SSH2: variants seen among roughly 807,000 people sequenced by gnomAD.
SSH2 encodes the protein slingshot protein phosphatase 2, also known as protein phosphatase Slingshot homolog 2.
In SSH2, 37 loss-of-function variants were observed where a neutral mutation model predicts 135.2. That is an observed-to-expected ratio of 0.27 (90% CI 0.21 to 0.36). SSH2 has a LOEUF of 0.36. Among genes scored for constraint, SSH2 ranks in the 10% least tolerant of loss-of-function variants. SSH2 has a pLI of 1.00. For synonymous variants in SSH2, 628 were observed against 646.2 expected (o/e 0.97, Z 0.43); for missense variants, 1,408 against 1,765.3 (o/e 0.80, Z 3.63).
rs1451634464 is a variant in SSH2 at position 29,650,665 on chromosome 17, G to A, written c.1215C>T (p.Ile405=). ...GGACTATTACTCACTTTGCTTTAGA[G>A]ATGAATTTGTAAGTGTCATTCCAGT... is the stretch of plus-strand genomic sequence containing the variant. ...LAYWNDTYKF[I]SKAKKHGSKC... Residue 405 remains isoleucine, a synonymous_variant, in exon 13 of 16, where the codon ATC becomes ATT. Coordinates refer to ENST00000540801, the MANE Select transcript of SSH2 (RefSeq NM_001282129.2). 1 of 1,613,446 alleles carries A rather than the reference G, an allele frequency of 6.2e-7. No individual in the cohort carries two copies. Among genetic ancestry groups the A allele is most frequent in the Non-Finnish European group, 8.5e-7 (1 of 1,179,642 alleles).
rs1265081793 is a variant in SSH2, at chr17:29,801,022, C to A, written c.145-7085G>T. On this transcript the variant is annotated intron_variant, in intron 2 of 15. Coordinates refer to ENST00000540801, the MANE Select transcript of SSH2 (RefSeq NM_001282129.2). ...CTGGGATTACAGGTGTCTGCCACCA[C>A]CCCCTGTAATTTTTGTATTTTTAGT... 2.0e-5 allele frequency among the ~76,000 whole-genome samples: 3 copies of A among 151,816 alleles called. No homozygotes were observed. In the South Asian group the frequency reaches 6.2e-4, roughly 32 times the overall value.
intron 2 of SSH2, among the ~76,000 whole-genome samples, chr17:29,820,873 A>C (rs896480753): frequency 1.3e-5 from 2 of 151,884 alleles, no homozygotes; most frequent in African/African-American, 2.4e-5. Context: ...GCCCCTTGTC[A>C]CCTCTCTCTT....
intron 2 of SSH2, among the ~76,000 whole-genome samples, chr17:29,835,554 G>A (rs2042928723): frequency 6.6e-6 from 1 of 152,274 alleles, no homozygotes; most frequent in East Asian, 1.9e-4. Flanking sequence ...ACCAGGCCCT[G>A]CAAATTCAGT....
chr17:29,641,344 T>C (rs1011880729), intron 14 of SSH2, among the ~76,000 whole-genome samples: 1 of 152,350 alleles, frequency 6.6e-6, no homozygotes, highest in Non-Finnish European at 1.5e-5. Flanking sequence ...TTTTAAACTA[T>C]TAAATTTTAA....
chr17:29,628,103 A>G lies in SSH2; in HGVS notation c.*2738T>C, dbSNP rs2035551875. On this transcript the variant is annotated 3_prime_UTR_variant, in exon 16 of 16. Transcript: ENST00000540801. ...AAAGTCTGAAGAGAAGACAGTCTGG[A>G]AAGTCCTTGACAGTTCACTGCGCAC... 2 of 152,164 alleles carry G rather than the reference A, an allele frequency of 1.3e-5. No individual in the cohort carries two copies. The highest frequency in any genetic ancestry group is 2.4e-5 in the African/African-American group (1 of 41,428). 9.4% of individuals were successfully genotyped at this position (152,164 alleles called of 1,614,324 possible). A position where few individuals can be genotyped will look rare whatever the true frequency, so the allele number is the denominator to read the frequency against.
At chr17:29,890,671 T>G (rs1222703729) in intron 1 of SSH2, among the ~76,000 whole-genome samples, 1 of 152,172 alleles carries the variant, frequency 6.6e-6, no homozygotes, top group Non-Finnish European at 1.5e-5. Flanking sequence ...GGTTTCTTTC[T>G]GAGGTGATGA....
At chr17:29,878,163 C>T (rs1371202832) in intron 1 of SSH2, among the ~76,000 whole-genome samples, 1 of 152,144 alleles carries the variant, frequency 6.6e-6, no homozygotes, top group Admixed American at 6.5e-5. Flanking sequence ...CATGGTGGCT[C>T]ATGCCTGTAA....
intron 1 of SSH2, among the ~76,000 whole-genome samples, chr17:29,871,887 A>T (rs979310284): frequency 1.3e-5 from 2 of 152,228 alleles, no homozygotes; most frequent in African/African-American, 2.4e-5. Flanking sequence ...ATAAATATTT[A>T]TACAAAAATA....
At chr17:29,661,947 C>T (rs984844710) in intron 11 of SSH2, among the ~76,000 whole-genome samples, 1 of 152,120 alleles carries the variant, frequency 6.6e-6, no homozygotes, top group Non-Finnish European at 1.5e-5. Flanking sequence ...CTAGAGACCA[C>T]TTGGTATAAT....
At chr17:29,665,753 C>CA (rs2037244339) in intron 11 of SSH2, among the ~76,000 whole-genome samples, 1 of 152,214 alleles carries the variant, frequency 6.6e-6, no homozygotes, top group South Asian at 2.1e-4. Context: ...AAAACTCTAA[C>CA]ACTTGAGAGA....
chr17:29,888,751 T>G (rs1345286431), intron 1 of SSH2, among the ~76,000 whole-genome samples: 1 of 143,870 alleles, frequency 7.0e-6, no homozygotes, highest in East Asian at 2.0e-4. Flanking sequence ...CTGGGTAACA[T>G]GGCAAAATCA....
chr17:29,676,244 C>G (rs1045705857), intron 8 of SSH2: 1 of 152,302 alleles, frequency 6.6e-6, no homozygotes, highest in African/African-American at 2.4e-5. Flanking sequence ...ACCAGCCCAG[C>G]CAATATGGTG....
intron 3 of SSH2, among the ~76,000 whole-genome samples, chr17:29,745,509 T>C (rs889396051): frequency 6.6e-6 from 1 of 152,318 alleles, no homozygotes; most frequent in Middle Eastern, 3.4e-3. Context: ...AATTGTACTG[T>C]TCATCTGACA....
At chr17:29,737,096 C>T in intron 3 of SSH2, among the ~76,000 whole-genome samples, 1 of 49,348 alleles carries the variant, frequency 2.0e-5, no homozygotes, top group Non-Finnish European at 3.2e-5. Context: ...AAGACTCTGT[C>T]TCAAAAAAAA....
intron 1 of SSH2, among the ~76,000 whole-genome samples, chr17:29,866,359 T>C (rs981848357): frequency 2.6e-5 from 4 of 152,226 alleles, no homozygotes; most frequent in African/African-American, 9.6e-5. Context: ...GCAAAAGCAG[T>C]CATTCATATG....
intron 2 of SSH2, among the ~76,000 whole-genome samples, chr17:29,807,761 T>C (rs889932692): frequency 6.6e-6 from 1 of 151,570 alleles, no homozygotes; most frequent in African/African-American, 2.4e-5. Flanking sequence ...ACTTTGAACC[T>C]GATCCTATGA....
chr17:29,684,655 A>G lies in SSH2; in HGVS notation c.387T>C (p.Asn129=). The change falls in exon 6 of 16, where the codon AAT becomes AAC. Residue 129 remains asparagine, a synonymous_variant. Transcript: ENST00000540801. ...AAACCACTACCATATAGCGTGTTCG[A>G]TTCTGGTAAGTACTTTCCAGTCTTA... ...LAVRLESTYQ[N]RTRYMVVVST... The G allele has an allele frequency of 6.2e-7, 1 of 1,613,260 alleles. No individual in the cohort carries two copies. The highest frequency in any genetic ancestry group is 8.5e-7 in the Non-Finnish European group (1 of 1,179,470).
chr17:29,684,740 C>T, intron 5 of SSH2, 56 bp from the exon 6 acceptor site: 1 of 1,539,270 alleles, frequency 6.5e-7, no homozygotes, highest in Non-Finnish European at 8.9e-7. Flanking sequence ...AATTTCAGAT[C>T]ATTTCAACCC....
intron 1 of SSH2, among the ~76,000 whole-genome samples, chr17:29,907,512 G>A (rs2066677562): frequency 6.6e-6 from 1 of 152,044 alleles, no homozygotes; most frequent in Non-Finnish European, 1.5e-5. Context: ...GAACTTAAAA[G>A]CTGAAGGAAA....
Sources: allele counts gnomAD v4.1 joint callset (sites outside exome capture counted in the v4.1 genomes callset), GRCh38; gene constraint gnomAD v4.1.1; transcripts MANE v1.5; gene names NCBI Gene and HGNC (gene_info 2026-07-23, HGNC 2026-07-21).